The following MEF2C variants were observed in gnomAD, a reference collection of about 807,000 sequenced individuals.
MEF2C encodes the protein myocyte-specific enhancer factor 2C.
MEF2C carries 6 observed loss-of-function variants against 50.5 expected under a neutral mutation model. That is an observed-to-expected ratio of 0.12 (90% CI 0.07 to 0.23). The LOEUF (loss-of-function observed/expected upper bound fraction) is 0.23, where lower values mean the gene tolerates loss of function less well. MEF2C is among the 10% of genes least tolerant of loss of function. The probability of loss-of-function intolerance (pLI) is 1.00; values close to 1 mark genes in which losing one functional copy is unlikely to be tolerated. For missense variants in MEF2C, 276 were observed against 605.0 expected (o/e 0.46, Z 5.70); for synonymous variants, 183 against 228.0 (o/e 0.80, Z 1.78).
intron 3 of MEF2C, among the ~76,000 whole-genome samples, chr5:88,777,404 C>T (rs1245136496): frequency 6.6e-6 from 1 of 152,046 alleles, no homozygotes; most frequent in African/African-American, 2.4e-5. Context: ...GACTGCCAAT[C>T]TACAGATGAA....
chr5:88,770,180 T>G (rs1369155026), intron 3 of MEF2C, among the ~76,000 whole-genome samples: 1 of 152,226 alleles, frequency 6.6e-6, no homozygotes, highest in Non-Finnish European at 1.5e-5. Context: ...TAACTTCACA[T>G]ACTAAACATT....
chr5:88,865,926 T>C (rs1256957431), intron 1 of MEF2C, among the ~76,000 whole-genome samples: 1 of 151,936 alleles, frequency 6.6e-6, no homozygotes, highest in Non-Finnish European at 1.5e-5. Context: ...GATGGAGTCT[T>C]GGTCTGTAGC....
chr5:88,739,252 C>T lies in MEF2C; in HGVS notation c.638-7351G>A, dbSNP rs1765407264. The T allele has an allele frequency of 6.1e-6, 6 of 982,652 alleles. No homozygotes were observed. The South Asian group carries it at 2.8e-4, about 46-fold the overall frequency. 60.9% of individuals were successfully genotyped at this position (982,652 alleles called of 1,614,324 possible). A position where few individuals can be genotyped will look rare whatever the true frequency, so the allele number is the denominator to read the frequency against. ...TTTTGAGGGATTTGAAGCAAATTGA[C>T]ACAGGAAAACATTAAGCTGAACACA... is the stretch of plus-strand genomic sequence containing the variant. On this transcript the variant is annotated intron_variant, in intron 6 of 10. Transcript: ENST00000504921.
rs1188685377 is a variant in MEF2C at position 88,718,170 on chromosome 5, A to G, written c.*4434T>C. On this transcript the variant is annotated 3_prime_UTR_variant, in exon 11 of 11. Coordinates refer to ENST00000504921, the MANE Select transcript of MEF2C (RefSeq NM_002397.5). Reference sequence around the variant, plus strand: ...GCTTGTGGCATAAGCTGCTTTTTAAAAAACACAATAAAATTGAATAAATTT... The same window carrying G: ...GCTTGTGGCATAAGCTGCTTTTTAAGAAACACAATAAAATTGAATAAATTT... The G allele has an allele frequency of 6.6e-6, 1 of 152,244 alleles. No individual in the cohort carries two copies. The highest frequency in any genetic ancestry group is 1.9e-4 in the East Asian group (1 of 5,200). The allele number at this position is 152,244 out of a possible 1,614,324, so 9.4% of individuals were successfully genotyped here. A position where few individuals can be genotyped will look rare whatever the true frequency, so the allele number is the denominator to read the frequency against.
intron 2 of MEF2C, among the ~76,000 whole-genome samples, chr5:88,821,456 C>G (rs556491211): frequency 6.6e-6 from 1 of 151,744 alleles, no homozygotes; most frequent in Non-Finnish European, 1.5e-5. Context: ...TAAGAGATTG[C>G]ATCTCCTTAT....
At chr5:88,799,166 A>G (rs1030644065) in intron 3 of MEF2C, among the ~76,000 whole-genome samples, 11 of 152,210 alleles carry the variant, frequency 7.2e-5, no homozygotes. Context: ...GCAGAGCTCA[A>G]GTACTGTGCT....
chr5:88,870,103 A>T (rs948860896), intron 1 of MEF2C, among the ~76,000 whole-genome samples: 4 of 151,942 alleles, frequency 2.6e-5, no homozygotes, highest in Admixed American at 6.6e-5. Context: ...TATGCAGTAA[A>T]TTTCATAATT....
rs766839744 is a variant in MEF2C at position 88,731,742 on chromosome 5, G to A, written c.797C>T (p.Thr266Met). The part of the protein sequence containing the change: ...RVLIPPGSKN[T>M]MPSVSEDVDL... ...GTTTTGTATTACCACTGATGGCATC[G>A]TATTCTTGCTGCCTGGTGGAATAAG... The change falls in exon 7 of 11, where the codon ACG (threonine) becomes ATG (methionine). Residue 266 changes from threonine to methionine, a missense_variant. Transcript: ENST00000504921. The A allele has an allele frequency of 8.1e-6, 13 of 1,612,578 alleles. No individual in the cohort carries two copies. Among genetic ancestry groups the A allele is most frequent in the Admixed American group, 3.3e-5 (2 of 59,912 alleles).
At chr5:88,746,510 G>GT in intron 6 of MEF2C, 1 of 983,666 alleles carries the variant, frequency 1.0e-6, no homozygotes, top group Non-Finnish European at 1.2e-6. Flanking sequence ...AAAAAGTAAC[G>GT]TAATTGCAGT....
intron 9 of MEF2C, 109 bp downstream of exon 9, chr5:88,729,109 G>A (rs1310869132): frequency 1.1e-5 from 14 of 1,243,998 alleles, no homozygotes; most frequent in African/African-American, 3.0e-5. Context: ...TGCTGTGGAC[G>A]GCGCAGGCCC....
At chr5:88,882,267 C>T (rs1049736335) in intron 1 of MEF2C, among the ~76,000 whole-genome samples, 1 of 152,170 alleles carries the variant, frequency 6.6e-6, no homozygotes, top group African/African-American at 2.4e-5. Context: ...ACCTTGCTTG[C>T]TTTTAAACAG....
chr5:88,888,685 A>G (rs773130027), intron 1 of MEF2C, among the ~76,000 whole-genome samples: 12 of 150,992 alleles, frequency 7.9e-5, no homozygotes, highest in Non-Finnish European at 1.6e-4. Context: ...TAGAAATGCA[A>G]TCTTCATGAA....
chr5:88,865,828 A>G (rs1452589838), intron 1 of MEF2C, among the ~76,000 whole-genome samples: 1 of 152,228 alleles, frequency 6.6e-6, no homozygotes, highest in Admixed American at 6.5e-5. Flanking sequence ...AAGGCTGTTT[A>G]TCACTGAAAT....
rs1275449160 is a variant in MEF2C at position 88,744,240 on chromosome 5, CA to C, written c.637+4829del. 4.3e-6 allele frequency: 3 copies of C among 696,286 alleles called. No homozygotes were observed. In the Admixed American group the frequency reaches 1.9e-4, roughly 44 times the overall value. The allele number at this position is 696,286 out of a possible 1,614,324, so 43.1% of individuals were successfully genotyped here. A position where few individuals can be genotyped will look rare whatever the true frequency, so the allele number is the denominator to read the frequency against. ...ACTTGATCTTACCATCATCAATAACCACTCAGATTAGCATGTTAAAAGCTTT... is the reference window on the plus strand; with the variant it reads ...ACTTGATCTTACCATCATCAATAACCCTCAGATTAGCATGTTAAAAGCTTT... On this transcript the variant is annotated intron_variant, in intron 6 of 10. Coordinates refer to ENST00000504921, the MANE Select transcript of MEF2C (RefSeq NM_002397.5).
chr5:88,792,759 A>G (rs909132336), intron 3 of MEF2C, among the ~76,000 whole-genome samples: 2 of 152,166 alleles, frequency 1.3e-5, no homozygotes, highest in African/African-American at 2.4e-5. Context: ...TAGTCTCATG[A>G]GCCTATTGGC....
chr5:88,773,032 G>C, intron 3 of MEF2C: 1 of 530,912 alleles, frequency 1.9e-6, no homozygotes, highest in Non-Finnish European at 2.4e-6. Flanking sequence ...GAGCGTCACT[G>C]GGATTGTGGG....
chr5:88,823,817 C>G lies in MEF2C; in HGVS notation c.-29G>C. 6.2e-7 allele frequency: 1 copy of G among 1,603,618 alleles called. No individual in the cohort carries two copies. Among genetic ancestry groups the G allele is most frequent in the East Asian group, 2.2e-5 (1 of 44,584 alleles). ...CCCCGTTTTTCTTCTCTCTCTCGTC[C>G]CTGAAATTATGTATTTTTTCCTTCC... On this transcript the variant is annotated 5_prime_UTR_variant, in exon 2 of 11. Coordinates refer to ENST00000504921, the MANE Select transcript of MEF2C (RefSeq NM_002397.5).
intron 1 of MEF2C, among the ~76,000 whole-genome samples, chr5:88,852,123 G>A (rs1318836359): frequency 1.3e-5 from 2 of 152,024 alleles, no homozygotes; most frequent in Non-Finnish European, 2.9e-5. Flanking sequence ...ATCATAACAC[G>A]ATTAAAAGAA....
At chr5:88,844,337 G>T (rs924557437) in intron 1 of MEF2C, among the ~76,000 whole-genome samples, 2 of 152,090 alleles carry the variant, frequency 1.3e-5, no homozygotes, top group Non-Finnish European at 2.9e-5. Context: ...GATAAGGGAG[G>T]CTGACTCCAG....
Sources: allele counts gnomAD v4.1 joint callset (sites outside exome capture counted in the v4.1 genomes callset), GRCh38; gene constraint gnomAD v4.1.1; transcripts MANE v1.5; gene names NCBI Gene and HGNC (gene_info 2026-07-23, HGNC 2026-07-21).